The following PRMT3 variants were observed in gnomAD, a reference collection of about 807,000 sequenced individuals.
The protein encoded by PRMT3 is protein arginine N-methyltransferase 3.
A neutral mutation model predicts 71.9 loss-of-function variants in PRMT3; 62 were observed. That is an observed-to-expected ratio of 0.86 (90% CI 0.70 to 1.07). PRMT3 has a LOEUF of 1.07. Among genes scored for constraint, PRMT3 ranks in the 50% least tolerant of loss-of-function variants. The pLI is 0.00. For missense variants in PRMT3, 663 were observed against 643.0 expected (o/e 1.03, Z -0.34); for synonymous variants, 213 against 220.4 (o/e 0.97, Z 0.30).
intron 15 of PRMT3, among the ~76,000 whole-genome samples, chr11:20,507,905 G>A (rs1044025360): frequency 2.0e-5 from 3 of 150,820 alleles, no homozygotes; most frequent in East Asian, 2.0e-4. Context: ...TCAGGAGTTC[G>A]AGACCAGCCT....
chr11:20,405,961 C>G (rs1218919806), intron 8 of PRMT3: 1 of 152,120 alleles, frequency 6.6e-6, no homozygotes, highest in Non-Finnish European at 1.5e-5. Context: ...ACGGTAATTC[C>G]CCATTCTCCC....
chr11:20,398,789 T>A (rs1848887827), intron 7 of PRMT3, among the ~76,000 whole-genome samples: 1 of 152,228 alleles, frequency 6.6e-6, no homozygotes. Context: ...AGTAATAGGC[T>A]ATCTTACAGA....
intron 10 of PRMT3, among the ~76,000 whole-genome samples, chr11:20,438,536 G>T (rs548189723): frequency 9.2e-5 from 14 of 152,250 alleles, no homozygotes; most frequent in African/African-American, 2.9e-4. Flanking sequence ...TAGAGTCATT[G>T]TGTAGGGTGG....
chr11:20,483,159 G>C (rs1156513982), intron 13 of PRMT3, among the ~76,000 whole-genome samples: 1 of 151,974 alleles, frequency 6.6e-6, no homozygotes, highest in East Asian at 1.9e-4. Flanking sequence ...GTAGCATTTG[G>C]TAGAACTTGG....
At chr11:20,469,523 C>A (rs1376170478) in intron 13 of PRMT3, among the ~76,000 whole-genome samples, 12 of 152,156 alleles carry the variant, frequency 7.9e-5, no homozygotes, top group Admixed American at 7.9e-4. Flanking sequence ...TATCAGATTA[C>A]ATGCTCACAC....
chr11:20,459,834 T>C (rs1850343959), intron 11 of PRMT3, among the ~76,000 whole-genome samples: 1 of 152,216 alleles, frequency 6.6e-6, no homozygotes, highest in African/African-American at 2.4e-5. Context: ...CTTACTGAGT[T>C]AACATTTTCA....
At chr11:20,478,556 G>A (rs1263362581) in intron 13 of PRMT3, among the ~76,000 whole-genome samples, 1 of 150,922 alleles carries the variant, frequency 6.6e-6, no homozygotes, top group Non-Finnish European at 1.5e-5. Context: ...AAAACTACTT[G>A]ATAAATGATA....
At chr11:20,438,725 C>T (rs144793397) in intron 10 of PRMT3, among the ~76,000 whole-genome samples, 1 of 152,134 alleles carries the variant, frequency 6.6e-6, no homozygotes, top group African/African-American at 2.4e-5. Flanking sequence ...TTCCATTTCT[C>T]ATGATACTGG....
intron 11 of PRMT3, 59 bp downstream of exon 11, chr11:20,452,267 C>T: frequency 7.4e-7 from 1 of 1,345,650 alleles, no homozygotes; most frequent in South Asian, 1.2e-5. Context: ...CCAGATGAAC[C>T]TTTGGATTTC....
At chr11:20,499,859 G>T (rs1255596976) in intron 15 of PRMT3, among the ~76,000 whole-genome samples, 1 of 152,158 alleles carries the variant, frequency 6.6e-6, no homozygotes, top group African/African-American at 2.4e-5. Context: ...TGAAATTCCG[G>T]TCCCAGGTAA....
At chr11:20,463,365 T>G (rs1364379524) in intron 12 of PRMT3, among the ~76,000 whole-genome samples, 1 of 152,174 alleles carries the variant, frequency 6.6e-6, no homozygotes, top group East Asian at 1.9e-4. Context: ...ACAGTGAGAA[T>G]AAAGAGTTTA....
chr11:20,434,255 C>T (rs1190051146), intron 10 of PRMT3, among the ~76,000 whole-genome samples: 1 of 152,050 alleles, frequency 6.6e-6, no homozygotes, highest in Non-Finnish European at 1.5e-5. Context: ...GTTTAAATTC[C>T]TTATAGATGC....
intron 9 of PRMT3, 61 bp from the exon 10 acceptor site, chr11:20,426,705 G>A (rs749987431): frequency 5.2e-6 from 7 of 1,336,442 alleles, no homozygotes; most frequent in Non-Finnish European, 6.7e-6. Flanking sequence ...AAAAAATTAT[G>A]TAATTTAACT....
At chr11:20,389,082 C>T (rs897076211) in intron 2 of PRMT3, among the ~76,000 whole-genome samples, 3 of 152,118 alleles carry the variant, frequency 2.0e-5, no homozygotes, top group African/African-American at 4.8e-5. Flanking sequence ...GTCGACATAA[C>T]CTATCTCGGT....
At chr11:20,489,276 C>A (rs1486172447) in intron 13 of PRMT3, among the ~76,000 whole-genome samples, 1 of 152,164 alleles carries the variant, frequency 6.6e-6, no homozygotes, top group East Asian at 1.9e-4. Flanking sequence ...CTTGCCTTTG[C>A]AGATTAACCC....
intron 8 of PRMT3, among the ~76,000 whole-genome samples, chr11:20,404,878 C>T (rs1482784520): frequency 6.6e-6 from 1 of 151,958 alleles, no homozygotes; most frequent in Non-Finnish European, 1.5e-5. Flanking sequence ...TTTCTTTTAG[C>T]CATCTTCTCT....
At position 20,446,785 on chromosome 11, in the gene PRMT3, T is replaced by C. The variant is rs570831204; in HGVS notation, c.994-5345T>C. On this transcript the variant is annotated intron_variant, in intron 10 of 15. Transcript: ENST00000331079. ...TATATATACAGATGCCAACACAACA[T>C]TTTCCTACCCATTCTATGGCAAATA... Among the ~76,000 whole-genome samples, 3 of 152,268 alleles carry C rather than the reference T, an allele frequency of 2.0e-5. No individual in the cohort carries two copies. In the East Asian group the frequency reaches 5.8e-4, roughly 29 times the overall value.
chr11:20,442,381 T>G (rs75907375), intron 10 of PRMT3, among the ~76,000 whole-genome samples: 5,795 of 152,164 alleles, frequency 0.038, 328 homozygotes, highest in African/African-American at 0.13. Context: ...TTACTAATTT[T>G]TTAGTAATTT....
intron 10 of PRMT3, among the ~76,000 whole-genome samples, chr11:20,444,953 A>C (rs1431379612): frequency 6.6e-6 from 1 of 152,024 alleles, no homozygotes; most frequent in Non-Finnish European, 1.5e-5. Flanking sequence ...TGTCATTGAT[A>C]GTTTGGCTTC....
Sources: allele counts gnomAD v4.1 joint callset (sites outside exome capture counted in the v4.1 genomes callset), GRCh38; gene constraint gnomAD v4.1.1; transcripts MANE v1.5; gene names NCBI Gene and HGNC (gene_info 2026-07-23, HGNC 2026-07-21).